ADGRL3: variants seen among roughly 807,000 people sequenced by gnomAD.
ADGRL3 encodes the protein adhesion G protein-coupled receptor L3, also known as calcium-independent alpha-latrotoxin receptor 3.
ADGRL3 carries 62 observed loss-of-function variants against 153.5 expected under a neutral mutation model. That is an observed-to-expected ratio of 0.40 (90% CI 0.33 to 0.50). ADGRL3 has a LOEUF of 0.50. ADGRL3 is among the 20% of genes least tolerant of loss of function. The pLI is 0.47. For missense variants in ADGRL3, 1,641 were observed against 1,859.4 expected, an observed-to-expected ratio of 0.88 and a Z score of 2.16; for synonymous variants, 710 against 672.5, an observed-to-expected ratio of 1.06 and a Z score of -0.86.
chr4:62,016,851 C>T lies in ADGRL3; in HGVS notation c.3396-12004C>T, dbSNP rs951007341. ...TATATCTTCTTTTGTTGAGGCCTTC[C>T]ATTATATCCTTTTATAGGTTTTTAA... On this transcript the variant is annotated intron_variant, in intron 21 of 26. Transcript: ENST00000683033. Among the ~76,000 whole-genome samples, 3 of 151,960 alleles carry T rather than the reference C, an allele frequency of 2.0e-5. No homozygotes were observed. In the East Asian group the frequency reaches 5.8e-4, roughly 29 times the overall value.
intron 1 of ADGRL3, among the ~76,000 whole-genome samples, chr4:61,251,888 A>ATTTTTTTTTT (rs879281483): frequency 1.1e-5 from 1 of 93,610 alleles, no homozygotes; most frequent in African/African-American, 4.1e-5. Flanking sequence ...TAATTTTTTT[A>ATTTTTTTTTT]TTTTTTTTTT....
intron 13 of ADGRL3, among the ~76,000 whole-genome samples, chr4:61,916,449 G>A (rs944001788): frequency 6.6e-6 from 1 of 151,620 alleles, no homozygotes; most frequent in Admixed American, 6.6e-5. Context: ...AGCCTGGGGA[G>A]CATAGTGAAA....
chr4:61,965,559 C>A (rs926463992), intron 17 of ADGRL3, among the ~76,000 whole-genome samples: 1 of 151,914 alleles, frequency 6.6e-6, no homozygotes. Flanking sequence ...ACCATCCTGG[C>A]TAACATGGTG....
chr4:61,624,954 T>A (rs1027186575), intron 5 of ADGRL3, among the ~76,000 whole-genome samples: 3 of 152,128 alleles, frequency 2.0e-5, no homozygotes, highest in Non-Finnish European at 4.4e-5. Flanking sequence ...CTCATTAATG[T>A]CCTCATTCTC....
intron 2 of ADGRL3, chr4:61,427,848 C>A (rs1436163373): frequency 6.5e-6 from 1 of 152,672 alleles, no homozygotes; most frequent in Non-Finnish European, 1.5e-5. Flanking sequence ...GTGTGCACTT[C>A]CTGTAGCACA....
At chr4:61,286,632 A>T (rs1204133894) in intron 1 of ADGRL3, among the ~76,000 whole-genome samples, 1 of 151,796 alleles carries the variant, frequency 6.6e-6, no homozygotes, top group East Asian at 1.9e-4. Flanking sequence ...AAATAATTAA[A>T]TATAATAATT....
At chr4:62,057,665 A>G (rs1737778301) in intron 25 of ADGRL3, among the ~76,000 whole-genome samples, 1 of 151,966 alleles carries the variant, frequency 6.6e-6, no homozygotes, top group Admixed American at 6.6e-5. Context: ...ATTCACATAT[A>G]TTGTTTTTCT....
At chr4:61,952,592 AT>A (rs1419849311) in intron 17 of ADGRL3, among the ~76,000 whole-genome samples, 3 of 152,220 alleles carry the variant, frequency 2.0e-5, no homozygotes, top group African/African-American at 7.2e-5. Flanking sequence ...CAGCTTAAAA[AT>A]AAAATTACCT....
intron 9 of ADGRL3, among the ~76,000 whole-genome samples, chr4:61,887,164 C>T (rs758722683): frequency 3.3e-5 from 5 of 152,004 alleles, no homozygotes; most frequent in Non-Finnish European, 5.9e-5. Context: ...TGTGCCCAGC[C>T]TAGACTATTT....
At chr4:61,397,696 C>T (rs553348860) in intron 2 of ADGRL3, among the ~76,000 whole-genome samples, 12 of 151,840 alleles carry the variant, frequency 7.9e-5, no homozygotes, top group African/African-American at 2.7e-4. Context: ...GATTTGAGAA[C>T]ACATAGTATT....
At chr4:61,235,232 C>T (rs1752374548) in intron 1 of ADGRL3, among the ~76,000 whole-genome samples, 1 of 152,026 alleles carries the variant, frequency 6.6e-6, no homozygotes, top group Non-Finnish European at 1.5e-5. Context: ...AATTTGTACT[C>T]AGTAGATATG....
chr4:61,249,695 C>G (rs1402816312), intron 1 of ADGRL3, among the ~76,000 whole-genome samples: 1 of 152,114 alleles, frequency 6.6e-6, no homozygotes, highest in Non-Finnish European at 1.5e-5. Flanking sequence ...GAAACGTAGT[C>G]TTTTAACTGA....
At chr4:61,289,027 C>A (rs2094060131) in intron 1 of ADGRL3, among the ~76,000 whole-genome samples, 1 of 151,878 alleles carries the variant, frequency 6.6e-6, no homozygotes, top group Non-Finnish European at 1.5e-5. Context: ...TATATACACA[C>A]ACAAGATACC....
intron 5 of ADGRL3, among the ~76,000 whole-genome samples, chr4:61,644,124 T>A (rs1188934529): frequency 2.8e-5 from 3 of 106,042 alleles, no homozygotes; most frequent in Non-Finnish European, 5.8e-5. Flanking sequence ...TTCTGTGGGA[T>A]CGGTGGTGAT....
At chr4:61,615,576 TTGTGTGTGTGTG>T (rs138168643) in intron 5 of ADGRL3, among the ~76,000 whole-genome samples, 1 of 147,924 alleles carries the variant, frequency 6.8e-6, no homozygotes, top group East Asian at 2.0e-4. Flanking sequence ...GGTTGGAATA[TTGTGTGTGTGTG>T]TGTGTGTGTG....
At chr4:61,298,942 T>A (rs2094496809) in intron 1 of ADGRL3, among the ~76,000 whole-genome samples, 1 of 152,270 alleles carries the variant, frequency 6.6e-6, no homozygotes, top group East Asian at 1.9e-4. Context: ...GTGACAGCAA[T>A]AAAAAATTGT....
intron 2 of ADGRL3, among the ~76,000 whole-genome samples, chr4:61,383,682 A>G (rs1200400513): frequency 1.3e-5 from 2 of 151,854 alleles, no homozygotes; most frequent in East Asian, 1.9e-4. Context: ...GTAATAAAAT[A>G]TATTCTTTTG....
At chr4:61,479,741 A>T (rs1326397758) in intron 2 of ADGRL3, among the ~76,000 whole-genome samples, 3 of 152,154 alleles carry the variant, frequency 2.0e-5, no homozygotes, top group Non-Finnish European at 4.4e-5. Context: ...TAGTGTTTGC[A>T]TAATGGTTTA....
intron 9 of ADGRL3, among the ~76,000 whole-genome samples, chr4:61,886,949 C>G (rs2098542984): frequency 6.6e-6 from 1 of 152,032 alleles, no homozygotes; most frequent in Middle Eastern, 3.4e-3. Flanking sequence ...ACCCAGCCTT[C>G]TTTGCCTATT....
Sources: gnomAD v4.1 joint callset for allele counts (sites outside exome capture counted in the v4.1 genomes callset) on GRCh38, gnomAD v4.1.1 for gene constraint, MANE v1.5 for transcripts, NCBI Gene and HGNC (gene_info 2026-07-23, HGNC 2026-07-21) for gene names.